Variants in ARFIP1 observed in about 807,000 individuals in gnomAD.
ARFIP1 encodes the protein ARF interacting protein 1.
Under a neutral mutation model 42.5 loss-of-function variants are expected in ARFIP1, and 24 were observed. That is an observed-to-expected ratio of 0.57 (90% CI 0.41 to 0.80). The LOEUF is 0.80. ARFIP1 is among the 30% of genes least tolerant of loss of function. ARFIP1 has a pLI of 0.00. For synonymous variants in ARFIP1, 141 were observed against 153.7 expected, an observed-to-expected ratio of 0.92 and a Z score of 0.61; for missense variants, 354 against 434.0, an observed-to-expected ratio of 0.82 and a Z score of 1.64.
chr4:152,804,440 GTATTATATA>G (rs1240592263), intron 1 of ARFIP1, among the ~76,000 whole-genome samples: 48 of 89,324 alleles, frequency 5.4e-4, no homozygotes, highest in African/African-American at 2.1e-3. Flanking sequence ...AATATAACAT[GTATTATATA>G]TATTATATAT....
At chr4:152,831,830 G>C (rs968589231) in intron 2 of ARFIP1, among the ~76,000 whole-genome samples, 2 of 151,928 alleles carry the variant, frequency 1.3e-5, no homozygotes, top group African/African-American at 4.8e-5. Flanking sequence ...TGTTACATAG[G>C]TATACATGTG....
intron 8 of ARFIP1, among the ~76,000 whole-genome samples, chr4:152,890,760 T>A (rs1219367042): frequency 6.6e-6 from 1 of 152,130 alleles, no homozygotes; most frequent in Non-Finnish European, 1.5e-5. Flanking sequence ...ATGATGTGTG[T>A]TTAGAGTTTG....
chr4:152,821,182 GAT>G (rs1730336221), intron 1 of ARFIP1, among the ~76,000 whole-genome samples: 1 of 152,082 alleles, frequency 6.6e-6, no homozygotes, highest in Non-Finnish European at 1.5e-5. Flanking sequence ...TCAAAAGGTT[GAT>G]TATTAAGTCA....
chr4:152,792,953 G>A (rs923669726), intron 1 of ARFIP1, among the ~76,000 whole-genome samples: 5 of 151,992 alleles, frequency 3.3e-5, no homozygotes, highest in Non-Finnish European at 7.4e-5. Context: ...AATACCTCTG[G>A]CTGATTTACA....
chr4:152,784,728 G>C (rs1730702148), intron 1 of ARFIP1, among the ~76,000 whole-genome samples: 1 of 152,236 alleles, frequency 6.6e-6, no homozygotes, highest in Admixed American at 6.5e-5. Context: ...ATCCTCTCTT[G>C]AAAGACAAAG....
intron 8 of ARFIP1, among the ~76,000 whole-genome samples, chr4:152,909,737 TCA>T (rs1199676234): frequency 6.6e-6 from 1 of 152,240 alleles, no homozygotes; most frequent in Non-Finnish European, 1.5e-5. Flanking sequence ...TTTTGATATC[TCA>T]CATGATTTTG....
At chr4:152,804,209 A>ATATTATATATAATATAACATG (rs1327283854) in intron 1 of ARFIP1, among the ~76,000 whole-genome samples, 6 of 117,686 alleles carry the variant, frequency 5.1e-5, no homozygotes, top group South Asian at 4.9e-4. Context: ...CATGTATTAT[A>ATATTATATATAATATAACATG]TATTATATAT....
At chr4:152,865,142 AT>A (rs77064249) in intron 3 of ARFIP1, among the ~76,000 whole-genome samples, 6,553 of 145,874 alleles carry the variant, frequency 0.045, 174 homozygotes, top group South Asian at 0.12. Context: ...AGTATTCTGT[AT>A]TTTTTTTTTT....
intron 1 of ARFIP1, among the ~76,000 whole-genome samples, chr4:152,804,185 T>C (rs28429929): frequency 3.8e-4 from 41 of 108,416 alleles, no homozygotes; most frequent in East Asian, 2.8e-3. Flanking sequence ...TATTATATAT[T>C]ATATATAATA....
At chr4:152,852,504 G>T (rs1402338233) in intron 2 of ARFIP1, among the ~76,000 whole-genome samples, 1 of 152,040 alleles carries the variant, frequency 6.6e-6, no homozygotes, top group African/African-American at 2.4e-5. Flanking sequence ...GTGGCAGCGT[G>T]TGCCTATATT....
At chr4:152,859,682 A>G (rs999622831) in intron 2 of ARFIP1, among the ~76,000 whole-genome samples, 1 of 151,988 alleles carries the variant, frequency 6.6e-6, no homozygotes, top group African/African-American at 2.4e-5. Context: ...TGTACTCTGT[A>G]TATTCCTTAC....
At chr4:152,881,393 A>G (rs535058946) in intron 6 of ARFIP1, among the ~76,000 whole-genome samples, 3 of 152,268 alleles carry the variant, frequency 2.0e-5, no homozygotes, top group African/African-American at 7.2e-5. Flanking sequence ...TCATATGTAT[A>G]TAAATCTTTC....
At position 152,787,589 on chromosome 4, in the gene ARFIP1, T is replaced by G. The variant is rs193063014; in HGVS notation, c.-10+7363T>G. ...ATAAATTCAGAGACGGGAATGATAGTGATGTCAAACAACCACAGACTGTCC... is the reference window on the plus strand; with the variant it reads ...ATAAATTCAGAGACGGGAATGATAGGGATGTCAAACAACCACAGACTGTCC... On this transcript the variant is annotated intron_variant, in intron 1 of 8. Transcript: ENST00000353617. 4.4e-3 allele frequency among the ~76,000 whole-genome samples: 678 copies of G among 152,372 alleles called. 2 individuals are homozygous for G. The highest frequency in any genetic ancestry group is 0.02 in the Middle Eastern group (6 of 294).
At chr4:152,811,126 T>C (rs768636889) in intron 1 of ARFIP1, among the ~76,000 whole-genome samples, 9 of 133,252 alleles carry the variant, frequency 6.8e-5, no homozygotes, top group African/African-American at 2.1e-4. Flanking sequence ...TTTGGAAAAC[T>C]GGTTGTTAAA....
intron 7 of ARFIP1, among the ~76,000 whole-genome samples, chr4:152,887,760 C>G (rs981865580): frequency 6.6e-6 from 1 of 152,038 alleles, no homozygotes; most frequent in Non-Finnish European, 1.5e-5. Flanking sequence ...GTATGCCATT[C>G]TAGAGTCTGC....
chr4:152,854,436 T>C (rs1733255489), intron 2 of ARFIP1, among the ~76,000 whole-genome samples: 1 of 152,180 alleles, frequency 6.6e-6, no homozygotes, highest in South Asian at 2.1e-4. Context: ...TGAGAATCAG[T>C]AGTTTGAATT....
intron 1 of ARFIP1, among the ~76,000 whole-genome samples, chr4:152,820,689 G>A (rs1018872167): frequency 6.6e-6 from 1 of 152,114 alleles, no homozygotes; most frequent in Non-Finnish European, 1.5e-5. Flanking sequence ...GAACAGCAAG[G>A]GGGAAATCTG....
At chr4:152,821,316 A>G (rs1440418180) in intron 1 of ARFIP1, among the ~76,000 whole-genome samples, 2 of 152,208 alleles carry the variant, frequency 1.3e-5, no homozygotes, top group African/African-American at 4.8e-5. Context: ...AACTTCTGGA[A>G]GCGAAAGACA....
chr4:152,870,983 C>G, intron 4 of ARFIP1, 135 bp downstream of exon 4: 1 of 570,678 alleles, frequency 1.8e-6, no homozygotes, highest in South Asian at 3.5e-5. Context: ...GCCTTATTAA[C>G]AATAAAGGAA....
Sources: gnomAD v4.1 joint callset for allele counts (sites outside exome capture counted in the v4.1 genomes callset) on GRCh38, gnomAD v4.1.1 for gene constraint, MANE v1.5 for transcripts, NCBI Gene and HGNC (gene_info 2026-07-23, HGNC 2026-07-21) for gene names.